SSX2IP: variants seen among roughly 807,000 people sequenced by gnomAD.
SSX2IP encodes afadin- and alpha-actinin-binding protein.
In SSX2IP, 55 loss-of-function variants were observed where a neutral mutation model predicts 84.9. That is an observed-to-expected ratio of 0.65 (90% confidence interval 0.52 to 0.81). SSX2IP has a LOEUF of 0.81. Ranked by LOEUF, SSX2IP falls within the 30% of genes least tolerant of loss-of-function variation. The pLI is 0.00. For missense variants in SSX2IP, 664 were observed against 705.2 expected (o/e 0.94, Z 0.66); for synonymous variants, 239 against 234.7 (o/e 1.02, Z -0.17).
chr1:84,655,462 T>C, intron 11 of SSX2IP: 3 of 1,296,874 alleles, frequency 2.3e-6, no homozygotes, highest in Non-Finnish European at 2.0e-6. Context: ...TTATTATACT[T>C]CCTTTTTAAA....
intron 1 of SSX2IP, among the ~76,000 whole-genome samples, chr1:84,675,871 G>C (rs1265177057): frequency 6.6e-6 from 1 of 152,098 alleles, no homozygotes; most frequent in Non-Finnish European, 1.5e-5. Context: ...GGAAGCCCCT[G>C]CCCCCCTTTC....
At chr1:84,658,698 G>C (rs1651485071) in intron 8 of SSX2IP, among the ~76,000 whole-genome samples, 1 of 152,174 alleles carries the variant, frequency 6.6e-6, no homozygotes, top group African/African-American at 2.4e-5. Flanking sequence ...TTAATGACAA[G>C]AGTCATGAAG....
chr1:84,655,577 G>A (rs1024946146), intron 11 of SSX2IP: 1 of 1,429,506 alleles, frequency 7.0e-7, no homozygotes, highest in Non-Finnish European at 9.3e-7. Flanking sequence ...CACTTAGCAG[G>A]AGAAAGCCAA....
In SSX2IP at chr1:84,645,855, C is replaced by G. The variant is rs1570532933; in HGVS notation, c.*1578G>C. Reference sequence around the variant, plus strand: ...CCATGCATCAAGCTGAAGGTAGTGACTAATGCTCAAGAGCTAGCTCTTTAA... The same window carrying G: ...CCATGCATCAAGCTGAAGGTAGTGAGTAATGCTCAAGAGCTAGCTCTTTAA... On this transcript the variant is annotated 3_prime_UTR_variant, in exon 14 of 14. Coordinates refer to ENST00000342203, the MANE Select transcript of SSX2IP (RefSeq NM_001166293.2). The G allele has an allele frequency of 6.6e-6, 1 of 152,148 alleles. No individual in the cohort carries two copies. The highest frequency in any genetic ancestry group is 2.4e-5 in the African/African-American group (1 of 41,440). 9.4% of individuals were successfully genotyped at this position (152,148 alleles called of 1,614,324 possible). A position where few individuals can be genotyped will look rare whatever the true frequency, so the allele number is the denominator to read the frequency against.
chr1:84,680,995 T>TA (rs747475077), intron 1 of SSX2IP, among the ~76,000 whole-genome samples: 47 of 151,818 alleles, frequency 3.1e-4, no homozygotes, highest in Non-Finnish European at 6.2e-4. Flanking sequence ...GCATGAGTGA[T>TA]AAAAAATGCA....
chr1:84,676,571 C>A lies in SSX2IP; in HGVS notation c.-89-5263G>T, dbSNP rs148385411. Among the ~76,000 whole-genome samples the A allele has an allele frequency of 9.7e-4, 148 of 152,126 alleles. No homozygotes were observed. The Middle Eastern group carries it at 0.014, about 14-fold the overall frequency. On this transcript the variant is annotated intron_variant, in intron 1 of 13. Coordinates refer to ENST00000342203, the MANE Select transcript of SSX2IP (RefSeq NM_001166293.2). Reference sequence around the variant, plus strand: ...TCATGCAGAGCTTAAATCTATCATTCCTCATGTCCAAGTGTTTTCTCTTTT... The same window carrying A: ...TCATGCAGAGCTTAAATCTATCATTACTCATGTCCAAGTGTTTTCTCTTTT...
intron 11 of SSX2IP, among the ~76,000 whole-genome samples, chr1:84,653,231 A>G (rs889991179): frequency 1.3e-5 from 2 of 152,210 alleles, no homozygotes; most frequent in Non-Finnish European, 2.9e-5. Context: ...TAAAGTTACA[A>G]ACAAAAGAAA....
At chr1:84,671,138 A>T (rs972406345) in intron 2 of SSX2IP, 39 bp downstream of exon 2, 1 of 1,596,866 alleles carries the variant, frequency 6.3e-7, no homozygotes, top group Non-Finnish European at 8.5e-7. Context: ...TCACCTTTAC[A>T]GTTTCTGCTT....
intron 10 of SSX2IP, 109 bp from the exon 11 acceptor site, chr1:84,656,114 T>G: frequency 2.5e-5 from 28 of 1,099,138 alleles, no homozygotes; most frequent in Non-Finnish European, 3.6e-5. Context: ...GAATAGAAAT[T>G]ATTAAGAATC....
chr1:84,677,864 A>G (rs1443019651), intron 1 of SSX2IP, among the ~76,000 whole-genome samples: 2 of 152,068 alleles, frequency 1.3e-5, no homozygotes, highest in African/African-American at 2.4e-5. Flanking sequence ...CCTGTCCAAC[A>G]CCTTGACAGC....
intron 4 of SSX2IP, among the ~76,000 whole-genome samples, chr1:84,667,695 T>C (rs1371850382): frequency 6.6e-6 from 1 of 152,088 alleles, no homozygotes; most frequent in Non-Finnish European, 1.5e-5. Flanking sequence ...AACAGAGATA[T>C]TTGTGGTTCC....
intron 12 of SSX2IP, among the ~76,000 whole-genome samples, chr1:84,651,434 A>G (rs943605704): frequency 3.3e-5 from 5 of 152,188 alleles, no homozygotes; most frequent in African/African-American, 4.8e-5. Context: ...ATAAAATATT[A>G]AAGTTGATTT....
Position 84,655,297 on chromosome 1 carries a change from G to A in SSX2IP, c.1389+535C>T, listed in dbSNP as rs1017616763. 23 of 1,056,546 alleles carry A rather than the reference G, an allele frequency of 2.2e-5. 1 individual carries two copies. Among genetic ancestry groups the A allele is most frequent in the Middle Eastern group, 4.6e-4 (1 of 2,196 alleles). 65.4% of individuals were successfully genotyped at this position (1,056,546 alleles called of 1,614,324 possible). ...TTCTTACTTTGTAGCTTTTTTTAATGAGTTTTGTTGATTTTTTTTTTTTAA... is the reference window on the plus strand; with the variant it reads ...TTCTTACTTTGTAGCTTTTTTTAATAAGTTTTGTTGATTTTTTTTTTTTAA... On this transcript the variant is annotated intron_variant, in intron 11 of 13. Transcript: ENST00000342203.
chr1:84,651,451 C>G (rs1472676503), intron 12 of SSX2IP, among the ~76,000 whole-genome samples: 3 of 152,158 alleles, frequency 2.0e-5, no homozygotes, highest in African/African-American at 7.2e-5. Context: ...ATTTTTAGGC[C>G]AGGCGCAGTG....
At chr1:84,650,562 A>ATATTT in intron 12 of SSX2IP, 35 bp from the exon 13 acceptor site, 4 of 1,610,510 alleles carry the variant, frequency 2.5e-6, no homozygotes, top group Middle Eastern at 3.3e-4. Flanking sequence ...AAGGCAGTAC[A>ATATTT]TATGGTGAGG....
chr1:84,656,119 A>G (rs974384733), intron 10 of SSX2IP, 114 bp from the exon 11 acceptor site: 1 of 1,063,704 alleles, frequency 9.4e-7, no homozygotes, highest in Non-Finnish European at 1.3e-6. Flanking sequence ...GAAATTATTA[A>G]GAATCAAAAA....
chr1:84,660,309 A>G (rs894337759), intron 8 of SSX2IP, among the ~76,000 whole-genome samples: 8 of 152,184 alleles, frequency 5.3e-5, no homozygotes, highest in African/African-American at 1.9e-4. Context: ...GGGGGTGAGG[A>G]GGGTTTAATC....
intron 1 of SSX2IP, among the ~76,000 whole-genome samples, chr1:84,687,651 A>G (rs982671492): frequency 6.6e-6 from 1 of 152,206 alleles, no homozygotes; most frequent in Non-Finnish European, 1.5e-5. Flanking sequence ...TGTCTTTCAG[A>G]TATTATTTGC....
chr1:84,681,628 A>G (rs1484940438), intron 1 of SSX2IP, among the ~76,000 whole-genome samples: 1 of 152,208 alleles, frequency 6.6e-6, no homozygotes, highest in Non-Finnish European at 1.5e-5. Flanking sequence ...TTATTCTGTA[A>G]AATTTTTAGC....
Sources: allele counts gnomAD v4.1 joint callset (sites outside exome capture counted in the v4.1 genomes callset), GRCh38; gene constraint gnomAD v4.1.1; transcripts MANE v1.5; gene names NCBI Gene and HGNC (gene_info 2026-07-23, HGNC 2026-07-21).